Variants in SBF2 observed in about 807,000 individuals in gnomAD.
SBF2 encodes the protein SET binding factor 2, also known as myotubularin-related protein 13.
SBF2 carries 112 observed loss-of-function variants against 225.2 expected under a neutral mutation model. The ratio of observed to expected loss-of-function variants is 0.50; its 90% CI spans 0.43 to 0.58. The LOEUF is 0.58. SBF2 is among the 20% of genes least tolerant of loss of function. SBF2 has a pLI of 0.00. For synonymous variants in SBF2, 763 were observed against 773.3 expected (o/e 0.99, Z 0.22); for missense variants, 1,996 against 2,206.2 (o/e 0.90, Z 1.91).
At chr11:10,009,972 T>C (rs1450573656) in intron 6 of SBF2, among the ~76,000 whole-genome samples, 1 of 152,222 alleles carries the variant, frequency 6.6e-6, no homozygotes, top group South Asian at 2.1e-4. Flanking sequence ...TATCTCATTG[T>C]GGTTTTGATT....
rs1590084421 is a variant in SBF2, at chr11:9,787,988, A to C, written c.4933-250T>G. The C allele has an allele frequency of 7.6e-6, 4 of 523,490 alleles. No individual in the cohort carries two copies. The East Asian group carries it at 1.4e-4, about 19-fold the overall frequency. 32.4% of individuals were successfully genotyped at this position (523,490 alleles called of 1,614,324 possible). ...GGCCTTTTTGTACAGGATAGCTTAC[A>C]TACTAGGATGTGAAATATGTATCTC... On this transcript the variant is annotated intron_variant, in intron 35 of 39. Coordinates refer to ENST00000256190, the MANE Select transcript of SBF2 (RefSeq NM_030962.4).
At position 10,004,855 on chromosome 11, in the gene SBF2, A is replaced by G. The variant is rs147129027; in HGVS notation, c.620-2166T>C. ...AAGAATGCAACCTTTTGTCTCTTAT[A>G]TACCTATGACCTGGAAGCCCCCTCC... is the stretch of plus-strand genomic sequence containing the variant. On this transcript the variant is annotated intron_variant, in intron 6 of 39. Transcript: ENST00000256190. 3.8e-3 allele frequency among the ~76,000 whole-genome samples: 586 copies of G among 152,326 alleles called. 3 individuals carry two copies. Among genetic ancestry groups the G allele is most frequent in the African/African-American group, 0.011 (468 of 41,590 alleles).
chr11:10,301,061 T>G (rs1049420507), intron 1 of SBF2, among the ~76,000 whole-genome samples: 1 of 152,196 alleles, frequency 6.6e-6, no homozygotes, highest in South Asian at 2.1e-4. Context: ...GCCTGTTTTG[T>G]ACAGGAGCAC....
rs1232057123 is a variant in SBF2 at position 9,850,045 on chromosome 11, T to A, written c.2784A>T (p.Arg928Ser). 6.2e-7 allele frequency: 1 copy of A among 1,614,096 alleles called. No individual in the cohort carries two copies. Among genetic ancestry groups the A allele is most frequent in the East Asian group, 2.2e-5 (1 of 44,880 alleles). Residue 928 changes from arginine to serine, a missense_variant, in exon 22 of 40, where the codon AGA becomes AGT. Physicochemically the swap from Arg to Ser is moderately radical, Grantham distance 110. Coordinates refer to ENST00000256190, the MANE Select transcript of SBF2 (RefSeq NM_030962.4). Reference protein sequence around the residue: ...LFLTTYRILFRGTPHDQLVGE... With the variant: ...LFLTTYRILFSGTPHDQLVGE... ...TACCTAACTGATCATGGGGTGTTCC[T>A]CTGAAGAGAATTCTGTATGTGGTGA...
intron 1 of SBF2, among the ~76,000 whole-genome samples, chr11:10,293,580 G>A (rs1004835193): frequency 2.0e-5 from 3 of 152,188 alleles, no homozygotes; most frequent in Non-Finnish European, 4.4e-5. Flanking sequence ...TTTCGGAGAG[G>A]ACAACCCCCT....
chr11:10,036,410 C>T (rs1949441725), intron 3 of SBF2, among the ~76,000 whole-genome samples: 1 of 151,706 alleles, frequency 6.6e-6, no homozygotes, highest in East Asian at 1.9e-4. Context: ...TTAAAGTATA[C>T]TTAAAAAAAA....
chr11:9,787,678 C>T lies in SBF2; in HGVS notation c.4993G>A (p.Glu1665Lys), dbSNP rs368827184. The T allele has an allele frequency of 6.2e-7, 1 of 1,614,090 alleles. No homozygotes were observed. The highest frequency in any genetic ancestry group is 1.3e-5 in the African/African-American group (1 of 74,936). The change falls in exon 36 of 40, where the codon GAA (glutamate) becomes AAA (lysine). Residue 1665 changes from glutamate to lysine, a missense_variant. Coordinates refer to ENST00000256190, the MANE Select transcript of SBF2 (RefSeq NM_030962.4). ...QAPEKWQQLW[E>K]RVTVDLKEEP... is the part of the protein sequence containing the mutation. Reference sequence around the variant, plus strand: ...TCTTTAAGGTCCACGGTTACCCTTTCCCACAGCTGCTGCCACTTCTCAGGG... The same window carrying T: ...TCTTTAAGGTCCACGGTTACCCTTTTCCACAGCTGCTGCCACTTCTCAGGG...
intron 2 of SBF2, among the ~76,000 whole-genome samples, chr11:10,135,977 T>C (rs940077045): frequency 6.6e-6 from 1 of 152,128 alleles, no homozygotes; most frequent in Non-Finnish European, 1.5e-5. Context: ...CATAAAGACA[T>C]ACCTGATACT....
At chr11:10,198,579 TAA>T (rs1957462211) in intron 1 of SBF2, among the ~76,000 whole-genome samples, 1 of 152,326 alleles carries the variant, frequency 6.6e-6, no homozygotes, top group South Asian at 2.1e-4. Flanking sequence ...CATTAGCTGC[TAA>T]AAAGACAGTA....
At chr11:10,105,963 T>A (rs1378971511) in intron 2 of SBF2, among the ~76,000 whole-genome samples, 1 of 152,226 alleles carries the variant, frequency 6.6e-6, no homozygotes, top group Non-Finnish European at 1.5e-5. Context: ...AATTGCATTA[T>A]CTTCAAAAGT....
At chr11:10,176,635 A>C (rs1956476150) in intron 2 of SBF2, among the ~76,000 whole-genome samples, 1 of 152,200 alleles carries the variant, frequency 6.6e-6, no homozygotes, top group Non-Finnish European at 1.5e-5. Flanking sequence ...CCCAAGACTA[A>C]ACCAGGAAGA....
chr11:10,164,383 T>C (rs1445187741), intron 2 of SBF2, among the ~76,000 whole-genome samples: 2 of 152,174 alleles, frequency 1.3e-5, no homozygotes, highest in Non-Finnish European at 2.9e-5. Flanking sequence ...TCCAGATATA[T>C]ACCAAACACA....
At chr11:9,789,763 C>T (rs1590088755) in intron 34 of SBF2, among the ~76,000 whole-genome samples, 1 of 152,162 alleles carries the variant, frequency 6.6e-6, no homozygotes, top group South Asian at 2.1e-4. Context: ...TCCACTCTGT[C>T]AAACCTGCTA....
chr11:9,795,621 A>G (rs943534109), intron 33 of SBF2, among the ~76,000 whole-genome samples: 1 of 152,236 alleles, frequency 6.6e-6, no homozygotes, highest in African/African-American at 2.4e-5. Context: ...ATTTAATTTT[A>G]GAAAGATGCT....
At chr11:9,966,693 A>C (rs1035389366) in intron 14 of SBF2, among the ~76,000 whole-genome samples, 21 of 152,250 alleles carry the variant, frequency 1.4e-4, no homozygotes, top group Non-Finnish European at 2.9e-4. Context: ...GAGTATGCTT[A>C]CAACTCAATA....
intron 1 of SBF2, among the ~76,000 whole-genome samples, chr11:10,233,544 C>T: frequency 6.7e-6 from 1 of 148,180 alleles, no homozygotes; most frequent in South Asian, 2.1e-4. Flanking sequence ...ATATCCTAAC[C>T]AAATATATAT....
rs572987438 is a variant in SBF2 at position 9,827,229 on chromosome 11, TCA to T, written c.3793+2125_3793+2126del. On this transcript the variant is annotated intron_variant, in intron 28 of 39. Coordinates refer to ENST00000256190, the MANE Select transcript of SBF2 (RefSeq NM_030962.4). Reference sequence around the variant, plus strand: ...GACTCCATTGTGAGACAGTGGGACTTCACAGTTGAGATATCTGGGGCCAGGTG... The same window carrying T: ...GACTCCATTGTGAGACAGTGGGACTTCAGTTGAGATATCTGGGGCCAGGTG... 1.5e-3 allele frequency among the ~76,000 whole-genome samples: 223 copies of T among 152,278 alleles called. 1 individual carries two copies. The highest frequency in any genetic ancestry group is 5.1e-3 in the African/African-American group (211 of 41,556).
chr11:10,266,092 C>T (rs975970065), intron 1 of SBF2, among the ~76,000 whole-genome samples: 1 of 152,124 alleles, frequency 6.6e-6, no homozygotes, highest in African/African-American at 2.4e-5. Context: ...ATTTAATCCT[C>T]ATAACAATCA....
intron 16 of SBF2, among the ~76,000 whole-genome samples, chr11:9,933,837 C>CA (rs991002033): frequency 6.6e-6 from 1 of 152,054 alleles, no homozygotes; most frequent in Non-Finnish European, 1.5e-5. Flanking sequence ...GATAGAGACA[C>CA]AAAAAACCTT....
Sources: gnomAD v4.1 joint callset for allele counts (sites outside exome capture counted in the v4.1 genomes callset) on GRCh38, gnomAD v4.1.1 for gene constraint, MANE v1.5 for transcripts, NCBI Gene and HGNC (gene_info 2026-07-23, HGNC 2026-07-21) for gene names.